The following APOL2 variants were observed in gnomAD, a reference collection of about 807,000 sequenced individuals.
APOL2 encodes the protein apolipoprotein L2.
In APOL2, 8 loss-of-function variants were observed where a neutral mutation model predicts 7.1. The ratio of observed to expected loss-of-function variants is 1.12; its 90% confidence interval spans 0.66 to 2.03. The LOEUF (loss-of-function observed/expected upper bound fraction) is 2.03. Ranked by LOEUF, APOL2 falls within the 30% of genes most tolerant of loss-of-function variation. The probability of loss-of-function intolerance (pLI) is 0.00; values close to 1 mark genes in which losing one functional copy is unlikely to be tolerated. For missense variants in APOL2, 471 were observed against 415.1 expected (o/e 1.13, Z -1.17); for synonymous variants, 177 against 159.9 (o/e 1.11, Z -0.81).
chr22:36,227,623 G>A lies in APOL2; in HGVS notation c.795C>T (p.Ala265=). The A allele has an allele frequency of 6.2e-7, 1 of 1,614,236 alleles. No individual in the cohort carries two copies. The highest frequency in any genetic ancestry group is 8.5e-7 in the Non-Finnish European group (1 of 1,180,046). Reference sequence around the variant, plus strand: ...TCATGGTTCCTCTGCTCATTGCCTGGGCGGGGCCTTCAACAACCCTCTCAA... The same window carrying A: ...TCATGGTTCCTCTGCTCATTGCCTGAGCGGGGCCTTCAACAACCCTCTCAA... ...EQVERVVEGP[A]QAMSRGTMIV... The change falls in exon 5 of 5, where the codon GCC becomes GCT. Residue 265 remains alanine (A), a synonymous_variant. Coordinates refer to ENST00000358502, the MANE Select transcript of APOL2 (RefSeq NM_030882.4).
At position 36,236,783 on chromosome 22, in the gene APOL2, T is replaced by C. The variant is rs896460475; in HGVS notation, c.-134+2658A>G. On this transcript the variant is annotated intron_variant, in intron 1 of 4. Transcript: ENST00000358502. ...GTTTCAGGGTCGAGGCATCCAGATA[T>C]CTGTCTTCTGGGGCCCCTACGCAGC... 9 of 1,090,496 alleles carry C rather than the reference T, an allele frequency of 8.3e-6. No individual in the cohort carries two copies. The Admixed American group carries it at 2.1e-4, about 25-fold the overall frequency. 67.6% of individuals were successfully genotyped at this position (1,090,496 alleles called of 1,614,324 possible).
upstream of APOL2, chr22:36,239,825 C>T (rs1417160583): frequency 5.6e-6 from 2 of 359,424 alleles, no homozygotes; most frequent in East Asian, 5.5e-5. Flanking sequence ...GTTTTTTGAA[C>T]CCATCTGAGC....
intron 1 of APOL2, among the ~76,000 whole-genome samples, chr22:36,235,752 G>T (rs2413393): frequency 0.2 from 22,129 of 111,274 alleles, 1,832 homozygotes; most frequent in Middle Eastern, 0.28. Flanking sequence ...AGGGTGGGTG[G>T]GTGGGTGTGT....
At position 36,227,243 on chromosome 22, in the gene APOL2, G is replaced by A. The variant is rs2015027171; in HGVS notation, c.*161C>T. The A allele has an allele frequency of 3.6e-6, 3 of 825,112 alleles. No homozygotes were observed. Among genetic ancestry groups the A allele is most frequent in the Non-Finnish European group, 5.3e-6 (3 of 562,874 alleles). The allele number at this position is 825,112 out of a possible 1,614,324, so 51.1% of individuals were successfully genotyped here. On this transcript the variant is annotated 3_prime_UTR_variant, in exon 5 of 5. Transcript: ENST00000358502. ...AGGCCGGAGAATGGTGTGAACCCGG[G>A]AGGCGGAGTTTGCAGTGAGCCGAGA...
chr22:36,239,356 A>T, intron 1 of APOL2, 85 bp downstream of exon 1: 1 of 1,413,870 alleles, frequency 7.1e-7, no homozygotes, highest in Non-Finnish European at 9.5e-7. Flanking sequence ...CTCTGAGCTT[A>T]TCTACAAAAG....
chr22:36,238,997 G>T (rs936274585), intron 1 of APOL2: 6 of 486,232 alleles, frequency 1.2e-5, no homozygotes, highest in African/African-American at 9.9e-5. Flanking sequence ...GTTCCCATTG[G>T]GCTTCAGCAG....
chr22:36,235,302 C>A (rs1219141416), intron 1 of APOL2, among the ~76,000 whole-genome samples: 1 of 152,120 alleles, frequency 6.6e-6, no homozygotes. Context: ...GGGAAGACTG[C>A]CAGTAGACCT....
chr22:36,233,111 G>A (rs1393545500), intron 3 of APOL2, 42 bp downstream of exon 3: 2 of 1,594,538 alleles, frequency 1.3e-6, no homozygotes, highest in Non-Finnish European at 1.7e-6. Context: ...CTCCATTCTA[G>A]GTGCGAGTAG....
intron 3 of APOL2, among the ~76,000 whole-genome samples, chr22:36,232,565 T>C (rs576852269): frequency 1.3e-5 from 2 of 152,358 alleles, no homozygotes; most frequent in South Asian, 2.1e-4. Context: ...ATTATTTTCA[T>C]GGTACACGAG....
intron 4 of APOL2, among the ~76,000 whole-genome samples, chr22:36,229,323 G>A (rs2015137946): frequency 6.6e-6 from 1 of 152,134 alleles, no homozygotes; most frequent in South Asian, 2.1e-4. Context: ...CTCCCCCTCT[G>A]TCTTTACTAT....
upstream of APOL2, chr22:36,239,620 A>G (rs1210373047): frequency 2.5e-5 from 24 of 951,232 alleles, no homozygotes; most frequent in Non-Finnish European, 3.6e-5. Context: ...GACCAAGCAC[A>G]GTAAACACGC....
At chr22:36,228,605 C>T (rs2015108226) in intron 4 of APOL2, among the ~76,000 whole-genome samples, 1 of 152,166 alleles carries the variant, frequency 6.6e-6, no homozygotes, top group Non-Finnish European at 1.5e-5. Flanking sequence ...GAAAACTCTG[C>T]AGATGAACAA....
intron 1 of APOL2, chr22:36,236,503 A>C (rs922093428): frequency 2.1e-6 from 2 of 937,212 alleles, no homozygotes; most frequent in Non-Finnish European, 1.3e-6. Context: ...GATGAAAATG[A>C]CTAATAATGA....
chr22:36,234,059 T>G (rs2015321221), intron 1 of APOL2, among the ~76,000 whole-genome samples: 1 of 152,196 alleles, frequency 6.6e-6, no homozygotes, highest in Admixed American at 6.5e-5. Context: ...CCGTCCCCTC[T>G]GCTGTCCTCC....
In APOL2 at chr22:36,239,499, T is replaced by A. The variant is rs774112437; in HGVS notation, c.-192A>T. 35 of 1,585,960 alleles carry A rather than the reference T, an allele frequency of 2.2e-5. No individual in the cohort carries two copies. Among genetic ancestry groups the A allele is most frequent in the Non-Finnish European group, 2.8e-5 (33 of 1,172,848 alleles). ...ATCCAACTGTTCTGAGCTGTGTGGA[T>A]CCCACGTCCAGCTGTGCATCTGTGT... On this transcript the variant is annotated 5_prime_UTR_variant, in exon 1 of 5. Transcript: ENST00000358502.
intron 3 of APOL2, among the ~76,000 whole-genome samples, chr22:36,231,798 CA>C (rs2015235475): frequency 1.3e-5 from 2 of 152,190 alleles, no homozygotes; most frequent in African/African-American, 4.8e-5. Context: ...GCACACAGCG[CA>C]AAGGCAGCTG....
In APOL2 at chr22:36,227,838, CCTTTG is replaced by C. The variant is rs751506585; in HGVS notation, c.575_579del (p.Ala192GlyfsTer18). 1 of 1,614,236 alleles carries C rather than the reference CCTTTG, an allele frequency of 6.2e-7. No individual in the cohort carries two copies. Among genetic ancestry groups the C allele is most frequent in the Non-Finnish European group, 8.5e-7 (1 of 1,180,050 alleles). On this transcript the variant is annotated frameshift_variant, in exon 5 of 5. Transcript: ENST00000358502. LOFTEE classifies it low-confidence loss of function (END_TRUNC). ...TTCCCACCCACAAACTCCTTCATCA[CCTTTG>C]CTACATTGGTGCCGCTTTGGTCCAA...
Position 36,227,807 on chromosome 22 carries a change from G to A in APOL2, c.611C>T (p.Pro204Leu). 6.2e-7 allele frequency: 1 copy of A among 1,614,128 alleles called. No individual in the cohort carries two copies. The change falls in exon 5 of 5, where the codon CCC (proline) becomes CTC (leucine). Residue 204 changes from proline (P) to leucine (L), a missense_variant. Physicochemically the swap from Pro to Leu is moderately conservative, Grantham distance 98. Transcript: ENST00000358502. The stretch of plus-strand genomic sequence containing the variant: ...ATTGTCAACTAAGGTAAGAACATTG[G>A]GTGTGTTCCCACCCACAAACTCCTT... ...VMKEFVGGNT[P>L]NVLTLVDNWY...
chr22:36,232,236 A>G (rs79500167), intron 3 of APOL2, among the ~76,000 whole-genome samples: 2 of 152,354 alleles, frequency 1.3e-5, no homozygotes, highest in East Asian at 1.9e-4. Context: ...GGTTTTCTCA[A>G]TTCATGAATT....
Sources: allele counts gnomAD v4.1 joint callset (sites outside exome capture counted in the v4.1 genomes callset), GRCh38; gene constraint gnomAD v4.1.1; transcripts MANE v1.5; gene names NCBI Gene and HGNC (gene_info 2026-07-23, HGNC 2026-07-21).